The following EYA2 variants were observed in gnomAD, a reference collection of about 807,000 sequenced individuals.
EYA2 encodes the protein protein phosphatase EYA2.
In EYA2, 31 loss-of-function variants were observed where a neutral mutation model predicts 69.2. That is an observed-to-expected ratio of 0.45 (90% CI 0.34 to 0.60). The LOEUF is 0.60. EYA2 is among the 20% of genes least tolerant of loss of function. The pLI is 0.02. For synonymous variants in EYA2, 257 were observed against 279.4 expected, an observed-to-expected ratio of 0.92 and a Z score of 0.80; for missense variants, 622 against 701.2, an observed-to-expected ratio of 0.89 and a Z score of 1.28.
intron 9 of EYA2, among the ~76,000 whole-genome samples, chr20:47,103,643 C>G (rs1037576996): frequency 6.6e-6 from 1 of 151,996 alleles, no homozygotes; most frequent in Non-Finnish European, 1.5e-5. Flanking sequence ...CCTTGTAAAA[C>G]GATCAGACAT....
At chr20:47,081,575 T>A (rs2031719833) in intron 7 of EYA2, among the ~76,000 whole-genome samples, 1 of 151,706 alleles carries the variant, frequency 6.6e-6, no homozygotes, top group Admixed American at 6.6e-5. Context: ...GGTCAGGAGT[T>A]CAAGACCAGC....
At chr20:47,185,400 A>G (rs1424816680) in intron 15 of EYA2, among the ~76,000 whole-genome samples, 1 of 146,492 alleles carries the variant, frequency 6.8e-6, no homozygotes, top group East Asian at 2.0e-4. Flanking sequence ...TCCCAGGTTC[A>G]AGCGATTCTT....
chr20:46,911,066 A>C (rs1019667281), intron 1 of EYA2, among the ~76,000 whole-genome samples: 3 of 152,228 alleles, frequency 2.0e-5, no homozygotes, highest in Non-Finnish European at 4.4e-5. Flanking sequence ...GAGTAGATTT[A>C]AGACAGAAAA....
intron 10 of EYA2, among the ~76,000 whole-genome samples, chr20:47,161,988 A>G (rs943730312): frequency 2.6e-5 from 4 of 152,294 alleles, no homozygotes; most frequent in East Asian, 1.9e-4. Context: ...GAGAAGTCCA[A>G]GATCAAGGTT....
intron 5 of EYA2, among the ~76,000 whole-genome samples, chr20:47,037,825 C>A (rs1984808289): frequency 6.6e-6 from 1 of 152,182 alleles, no homozygotes; most frequent in South Asian, 2.1e-4. Context: ...TGCTTAGCAA[C>A]CTTAATTCCA....
chr20:47,144,116 G>A (rs1243689822), intron 10 of EYA2, among the ~76,000 whole-genome samples: 1 of 152,216 alleles, frequency 6.6e-6, no homozygotes, highest in East Asian at 1.9e-4. Flanking sequence ...CCAGCACTTT[G>A]GGAGGCCGAG....
At chr20:47,102,928 G>C (rs1267066924) in intron 9 of EYA2, among the ~76,000 whole-genome samples, 1 of 152,134 alleles carries the variant, frequency 6.6e-6, no homozygotes, top group African/African-American at 2.4e-5. Flanking sequence ...GTGGTCAAGA[G>C]CCTTTGCCTG....
chr20:47,037,024 G>A (rs1011497383), intron 5 of EYA2, among the ~76,000 whole-genome samples: 1 of 152,192 alleles, frequency 6.6e-6, no homozygotes, highest in African/African-American at 2.4e-5. Context: ...GGCTGGGGAG[G>A]CTTCAGGAAA....
chr20:46,968,589 G>A (rs937978533), intron 1 of EYA2, among the ~76,000 whole-genome samples: 1 of 152,060 alleles, frequency 6.6e-6, no homozygotes, highest in African/African-American at 2.4e-5. Flanking sequence ...CTCTAAAACA[G>A]GTTTCTCATG....
chr20:47,004,189 A>C (rs1982548741), intron 3 of EYA2, among the ~76,000 whole-genome samples: 1 of 152,260 alleles, frequency 6.6e-6, no homozygotes, highest in Non-Finnish European at 1.5e-5. Context: ...TTGGGGGAAT[A>C]TCTGGAATAG....
chr20:46,917,146 TC>T (rs1984946336), intron 1 of EYA2, among the ~76,000 whole-genome samples: 1 of 152,232 alleles, frequency 6.6e-6, no homozygotes, highest in Non-Finnish European at 1.5e-5. Context: ...TTGTACTTCC[TC>T]AAAGCACTTA....
At position 47,143,055 on chromosome 20, in the gene EYA2, G is replaced by A. The variant is rs752443976; in HGVS notation, c.889-4G>A. The A allele has an allele frequency of 1.8e-5, 29 of 1,612,326 alleles. No individual in the cohort carries two copies. Among genetic ancestry groups the A allele is most frequent in the East Asian group, 4.5e-5 (2 of 44,818 alleles). Reference sequence around the variant, plus strand: ...ATGTGATTTTCCCCTTCTCTGCCTCGCAGGACACCACGACGTCCGTGCGCA... The same window carrying A: ...ATGTGATTTTCCCCTTCTCTGCCTCACAGGACACCACGACGTCCGTGCGCA... On this transcript the variant is annotated splice_region_variant and splice_polypyrimidine_tract_variant and intron_variant, in intron 9 of 15. Transcript: ENST00000327619.
intron 9 of EYA2, 33 bp from the exon 10 acceptor site, chr20:47,143,026 G>C (rs747918390): frequency 6.3e-7 from 1 of 1,597,312 alleles, no homozygotes; most frequent in African/African-American, 1.3e-5. Context: ...CAGGCTCCGC[G>C]TGCATGTGAT....
chr20:47,084,834 CTT>C (rs34290555), intron 7 of EYA2, among the ~76,000 whole-genome samples: 1,161 of 112,404 alleles, frequency 0.01, 9 homozygotes, highest in African/African-American at 0.026. Context: ...CTGTTTCTTT[CTT>C]TTTTTTTTTT....
intron 9 of EYA2, among the ~76,000 whole-genome samples, chr20:47,132,081 T>G (rs1014743589): frequency 1.3e-5 from 2 of 152,168 alleles, no homozygotes; most frequent in Non-Finnish European, 2.9e-5. Context: ...ATCCTCCTGC[T>G]AGGACTGTAG....
chr20:47,110,957 A>G (rs1162200355), intron 9 of EYA2, among the ~76,000 whole-genome samples: 1 of 152,236 alleles, frequency 6.6e-6, no homozygotes, highest in African/African-American at 2.4e-5. Flanking sequence ...TTTTGTTTTC[A>G]GACATTGCAT....
chr20:47,111,208 G>A (rs2032739414), intron 9 of EYA2, among the ~76,000 whole-genome samples: 1 of 152,206 alleles, frequency 6.6e-6, no homozygotes, highest in Non-Finnish European at 1.5e-5. Context: ...ACATCTGAAT[G>A]CATTGAGAGG....
intron 10 of EYA2, among the ~76,000 whole-genome samples, chr20:47,146,867 C>T (rs1237955509): frequency 6.6e-6 from 1 of 152,200 alleles, no homozygotes; most frequent in Non-Finnish European, 1.5e-5. Context: ...AAACCAAACA[C>T]AGCAAGACCC....
rs576997991 is a variant in EYA2, at chr20:46,966,590, C to T, written c.-10-23411C>T. Among the ~76,000 whole-genome samples, 87 of 152,264 alleles carry T rather than the reference C, an allele frequency of 5.7e-4. No homozygotes were observed. In the Middle Eastern group the frequency reaches 0.017, roughly 30 times the overall value. On this transcript the variant is annotated intron_variant, in intron 1 of 15. Transcript: ENST00000327619. ...TTGGGAGGCCGAGGTGGGCGGATCA[C>T]GAGGTCAGGACATCGAGACCGTCCT...
Sources: gnomAD v4.1 joint callset for allele counts (sites outside exome capture counted in the v4.1 genomes callset) on GRCh38, gnomAD v4.1.1 for gene constraint, MANE v1.5 for transcripts, NCBI Gene and HGNC (gene_info 2026-07-23, HGNC 2026-07-21) for gene names.